SMYD3: variants seen among roughly 807,000 people sequenced by gnomAD.
SMYD3 encodes the protein histone-lysine N-methyltransferase SMYD3.
A neutral mutation model predicts 57.7 loss-of-function variants in SMYD3; 36 were observed. The observed-to-expected ratio is 0.62, with a 90% CI of 0.48 to 0.82. The LOEUF is 0.82. Among genes scored for constraint, SMYD3 ranks in the 40% least tolerant of loss-of-function variants. The pLI is 0.00. For synonymous variants in SMYD3, 211 were observed against 195.0 expected, an observed-to-expected ratio of 1.08 and a Z score of -0.68; for missense variants, 515 against 538.8, an observed-to-expected ratio of 0.96 and a Z score of 0.44.
chr1:245,828,869 A>C (rs1411547748), intron 10 of SMYD3, among the ~76,000 whole-genome samples: 2 of 151,772 alleles, frequency 1.3e-5, no homozygotes, highest in Non-Finnish European at 2.9e-5. Flanking sequence ...CGCCCAGCTA[A>C]TCTTTGTATT....
intron 10 of SMYD3, among the ~76,000 whole-genome samples, chr1:245,804,038 A>G (rs1466252686): frequency 2.0e-5 from 3 of 150,392 alleles, no homozygotes; most frequent in Non-Finnish European, 1.5e-5. Flanking sequence ...TCAGACTTCC[A>G]AGCAGCTGGG....
At chr1:245,787,504 C>T (rs1401605055) in intron 10 of SMYD3, among the ~76,000 whole-genome samples, 1 of 152,146 alleles carries the variant, frequency 6.6e-6, no homozygotes, top group African/African-American at 2.4e-5. Context: ...GACTCACCAA[C>T]GGCCTTCTTA....
chr1:246,034,825 A>T (rs1447434212), intron 5 of SMYD3, among the ~76,000 whole-genome samples: 1 of 152,176 alleles, frequency 6.6e-6, no homozygotes, highest in African/African-American at 2.4e-5. Flanking sequence ...CGACGCTGCA[A>T]TGTAATCCCA....
intron 5 of SMYD3, among the ~76,000 whole-genome samples, chr1:246,274,759 C>T (rs1348712716): frequency 6.6e-6 from 1 of 152,012 alleles, no homozygotes; most frequent in East Asian, 1.9e-4. Context: ...CAAGAGAGAG[C>T]CAGTAATTAA....
At position 245,833,073 on chromosome 1, in the gene SMYD3, A is replaced by AAAAAAAAAAAAAAAAAAAAACCACAAC; in HGVS notation, c.1076+25422_1076+25423insGTTGTGGTTTTTTTTTTTTTTTTTTTT. ...GGAATATGTGACAAAAAAAAAAAAAAAACCTGCTTTTATAATGCTGATTCA... is the reference window on the plus strand; with the variant it reads ...GGAATATGTGACAAAAAAAAAAAAAAAAAAAAAAAAAAAAAAAAAACCACAACAACCTGCTTTTATAATGCTGATTCA... On this transcript the variant is annotated intron_variant, in intron 10 of 11. Transcript: ENST00000490107. Among the ~76,000 whole-genome samples the AAAAAAAAAAAAAAAAAAAAACCACAAC allele has an allele frequency of 5.4e-5, 7 of 128,648 alleles. 1 individual carries two copies. The highest frequency in any genetic ancestry group is 1.1e-4 in the Non-Finnish European group (7 of 63,242). The allele number at this position is 128,648 out of a possible 152,430, so 84.4% of individuals were successfully genotyped here. A position where few individuals can be genotyped will look rare whatever the true frequency, so the allele number is the denominator to read the frequency against.
At chr1:246,499,752 T>TAGGG (rs1305129674) in intron 1 of SMYD3, among the ~76,000 whole-genome samples, 1 of 152,122 alleles carries the variant, frequency 6.6e-6, no homozygotes, top group Non-Finnish European at 1.5e-5. Context: ...CACCACGCCC[T>TAGGG]GCCTTAAATT....
intron 10 of SMYD3, among the ~76,000 whole-genome samples, chr1:245,816,816 A>T (rs1014084002): frequency 1.3e-5 from 2 of 152,146 alleles, no homozygotes; most frequent in African/African-American, 4.8e-5. Context: ...GGTCACTCCC[A>T]CCCGAATATT....
intron 5 of SMYD3, among the ~76,000 whole-genome samples, chr1:246,061,969 T>G (rs755281474): frequency 6.6e-6 from 1 of 152,106 alleles, no homozygotes; most frequent in Non-Finnish European, 1.5e-5. Flanking sequence ...AATATAAAAA[T>G]CTGAAAAAGG....
chr1:245,791,712 T>C (rs1210323053), intron 10 of SMYD3, among the ~76,000 whole-genome samples: 1 of 152,200 alleles, frequency 6.6e-6, no homozygotes, highest in Non-Finnish European at 1.5e-5. Flanking sequence ...AATTCTGGTC[T>C]TTTTAGCCTT....
chr1:246,264,848 A>C (rs1169040602), intron 5 of SMYD3, among the ~76,000 whole-genome samples: 1 of 152,236 alleles, frequency 6.6e-6, no homozygotes, highest in Non-Finnish European at 1.5e-5. Context: ...ACTATTTACT[A>C]AGTGCTATGT....
At chr1:246,156,909 A>G (rs1476103868) in intron 5 of SMYD3, among the ~76,000 whole-genome samples, 2 of 152,222 alleles carry the variant, frequency 1.3e-5, no homozygotes, top group African/African-American at 4.8e-5. Flanking sequence ...TGGGTGACAC[A>G]AAGGACCCTA....
intron 5 of SMYD3, among the ~76,000 whole-genome samples, chr1:246,162,602 C>T (rs1359443486): frequency 1.3e-5 from 2 of 152,158 alleles, no homozygotes; most frequent in African/African-American, 4.8e-5. Flanking sequence ...GGCATCATTA[C>T]AAAATAACCA....
chr1:246,442,768 G>T (rs769562762), intron 1 of SMYD3, among the ~76,000 whole-genome samples: 2 of 152,030 alleles, frequency 1.3e-5, no homozygotes, highest in Non-Finnish European at 2.9e-5. Context: ...ACCCATTAAC[G>T]CAAACACTGG....
chr1:246,036,535 C>T (rs12239045), intron 5 of SMYD3, among the ~76,000 whole-genome samples: 68,980 of 148,046 alleles, frequency 0.47, 18,138 homozygotes, highest in East Asian at 0.95. Context: ...ACTCTTCTTT[C>T]TCTCTTTTTT....
chr1:245,843,579 T>C (rs1033385387), intron 10 of SMYD3, among the ~76,000 whole-genome samples: 36 of 141,864 alleles, frequency 2.5e-4, no homozygotes, highest in Non-Finnish European at 4.4e-4. Flanking sequence ...TGTGTGTGTG[T>C]ATGTGCATAT....
At chr1:246,099,094 CTT>C (rs2060965132) in intron 5 of SMYD3, among the ~76,000 whole-genome samples, 2 of 152,156 alleles carry the variant, frequency 1.3e-5, no homozygotes, top group African/African-American at 2.4e-5. Flanking sequence ...GATTTAATCT[CTT>C]TGGTTGTATC....
At chr1:245,776,494 A>G (rs187068694) in intron 10 of SMYD3, among the ~76,000 whole-genome samples, 210 of 152,378 alleles carry the variant, frequency 1.4e-3, no homozygotes, top group African/African-American at 4.9e-3. Flanking sequence ...CAATGAGCTT[A>G]CCAAGCCGTA....
intron 5 of SMYD3, among the ~76,000 whole-genome samples, chr1:246,156,513 T>G (rs1320097536): frequency 6.6e-6 from 1 of 152,202 alleles, no homozygotes; most frequent in South Asian, 2.1e-4. Context: ...TGATCCAAGG[T>G]GAACTCACAG....
At chr1:246,265,903 C>G (rs1026796909) in intron 5 of SMYD3, among the ~76,000 whole-genome samples, 1 of 152,198 alleles carries the variant, frequency 6.6e-6, no homozygotes, top group African/African-American at 2.4e-5. Context: ...ATTTTCTCCT[C>G]AAGCTATTGG....
Sources: gnomAD v4.1 joint callset for allele counts (sites outside exome capture counted in the v4.1 genomes callset) on GRCh38, gnomAD v4.1.1 for gene constraint, MANE v1.5 for transcripts, NCBI Gene and HGNC (gene_info 2026-07-23, HGNC 2026-07-21) for gene names.